SEPTIN9: variants seen among roughly 807,000 people sequenced by gnomAD.
The protein encoded by SEPTIN9 is septin-9.
A neutral mutation model predicts 56.6 loss-of-function variants in SEPTIN9; 13 were observed. The observed-to-expected ratio is 0.23, with a 90% CI of 0.15 to 0.37. SEPTIN9 has a LOEUF of 0.37. Ranked by LOEUF, SEPTIN9 falls within the 10% of genes least tolerant of loss-of-function variation. The pLI is 1.00. For missense variants in SEPTIN9, 650 were observed against 823.1 expected, an observed-to-expected ratio of 0.79 and a Z score of 2.57; for synonymous variants, 332 against 334.1, an observed-to-expected ratio of 0.99 and a Z score of 0.07.
At chr17:77,373,114 G>T (rs936414111) in intron 2 of SEPTIN9, 1 of 867,194 alleles carries the variant, frequency 1.2e-6, no homozygotes, top group Non-Finnish European at 1.4e-6. Context: ...CCCTGGGCGC[G>T]GGCCAGGCGG....
At chr17:77,350,200 C>A (rs2034012877) in intron 2 of SEPTIN9, among the ~76,000 whole-genome samples, 1 of 151,648 alleles carries the variant, frequency 6.6e-6, no homozygotes, top group Admixed American at 6.6e-5. Flanking sequence ...GCATCTTTTG[C>A]AGACAGGGTG....
intron 3 of SEPTIN9, among the ~76,000 whole-genome samples, chr17:77,459,302 G>T (rs902582569): frequency 6.6e-6 from 1 of 152,224 alleles, no homozygotes; most frequent in Non-Finnish European, 1.5e-5. Context: ...GACTCCTGGG[G>T]CCTTGCCCTG....
intron 1 of SEPTIN9, chr17:77,294,812 C>T (rs2031729766): frequency 6.6e-6 from 1 of 152,274 alleles, no homozygotes; most frequent in African/African-American, 2.4e-5. Flanking sequence ...TCTTGCTTCT[C>T]TCCACTGCGC....
chr17:77,344,991 AAAAAAG>A (rs1174899386), intron 2 of SEPTIN9, among the ~76,000 whole-genome samples: 6 of 146,524 alleles, frequency 4.1e-5, no homozygotes, highest in African/African-American at 1.5e-4. Context: ...AAAAAAAAAA[AAAAAAG>A]GAGATTCTGA....
At chr17:77,442,259 A>T (rs1197445786) in intron 3 of SEPTIN9, 1 of 152,100 alleles carries the variant, frequency 6.6e-6, no homozygotes, top group Non-Finnish European at 1.5e-5. Flanking sequence ...GTGCAATGGC[A>T]CGATCTCGGC....
At chr17:77,292,123 G>A (rs548333956) in intron 1 of SEPTIN9, among the ~76,000 whole-genome samples, 23 of 152,244 alleles carry the variant, frequency 1.5e-4, no homozygotes, top group African/African-American at 4.8e-4. Flanking sequence ...CTGTACCCCC[G>A]GAGATGTCTC....
At chr17:77,406,177 C>T (rs1235956098) in intron 3 of SEPTIN9, among the ~76,000 whole-genome samples, 1 of 152,244 alleles carries the variant, frequency 6.6e-6, no homozygotes, top group East Asian at 1.9e-4. Flanking sequence ...CTTCTCTGCT[C>T]ACTCACCATA....
chr17:77,473,192 C>T (rs2039075185), intron 3 of SEPTIN9, among the ~76,000 whole-genome samples: 1 of 152,216 alleles, frequency 6.6e-6, no homozygotes, highest in African/African-American at 2.4e-5. Context: ...TCAGTCTTCT[C>T]CTCTTACCTC....
chr17:77,462,489 G>A (rs1439766765), intron 3 of SEPTIN9, among the ~76,000 whole-genome samples: 2 of 152,058 alleles, frequency 1.3e-5, no homozygotes, highest in Non-Finnish European at 2.9e-5. Context: ...CCACTATGTT[G>A]CCCGGGCTGG....
At chr17:77,304,035 G>A (rs2032166129) in intron 1 of SEPTIN9, among the ~76,000 whole-genome samples, 1 of 152,196 alleles carries the variant, frequency 6.6e-6, no homozygotes, top group Non-Finnish European at 1.5e-5. Context: ...ATCACATAAA[G>A]ATAACTCACT....
intron 2 of SEPTIN9, among the ~76,000 whole-genome samples, chr17:77,336,930 G>A (rs1298672372): frequency 6.6e-6 from 1 of 151,356 alleles, no homozygotes; most frequent in Non-Finnish European, 1.5e-5. Context: ...TGCATCTATG[G>A]AAATGATCAT....
chr17:77,312,431 C>G (rs145511659), intron 2 of SEPTIN9, among the ~76,000 whole-genome samples: 1 of 152,142 alleles, frequency 6.6e-6, no homozygotes, highest in Non-Finnish European at 1.5e-5. Flanking sequence ...GTGCTCGGGC[C>G]CCCCCTGGAT....
At chr17:77,463,906 A>G (rs570018281) in intron 3 of SEPTIN9, among the ~76,000 whole-genome samples, 1 of 152,278 alleles carries the variant, frequency 6.6e-6, no homozygotes, top group Non-Finnish European at 1.5e-5. Flanking sequence ...GAAAATGTCA[A>G]ATCCTAGAGA....
intron 3 of SEPTIN9, among the ~76,000 whole-genome samples, chr17:77,481,403 G>GC (rs750112784): frequency 1.6e-4 from 21 of 127,530 alleles, no homozygotes; most frequent in East Asian, 4.6e-4. Flanking sequence ...TGGTGCAGGG[G>GC]CCCCCCTCCT....
At chr17:77,459,068 C>T (rs1388408384) in intron 3 of SEPTIN9, among the ~76,000 whole-genome samples, 2 of 152,200 alleles carry the variant, frequency 1.3e-5, no homozygotes, top group Non-Finnish European at 2.9e-5. Flanking sequence ...CACGGTCGGC[C>T]CCACACGTGG....
At chr17:77,472,067 T>C (rs917254007) in intron 3 of SEPTIN9, among the ~76,000 whole-genome samples, 24 of 152,144 alleles carry the variant, frequency 1.6e-4, no homozygotes, top group Non-Finnish European at 3.5e-4. Context: ...TGAATGGTGA[T>C]GGTTTGCAGG....
chr17:77,288,524 G>A (rs893491192), intron 1 of SEPTIN9, among the ~76,000 whole-genome samples: 1 of 152,184 alleles, frequency 6.6e-6, no homozygotes, highest in African/African-American at 2.4e-5. Context: ...GCCTTGTTCC[G>A]CAGATCAACC....
intron 7 of SEPTIN9, among the ~76,000 whole-genome samples, chr17:77,490,101 G>A (rs1331084878): frequency 2.0e-5 from 3 of 152,236 alleles, no homozygotes; most frequent in Admixed American, 2.0e-4. Context: ...GCAGGGGCGG[G>A]CCTTGGCCAT....
intron 10 of SEPTIN9, among the ~76,000 whole-genome samples, chr17:77,495,082 G>A (rs574584221): frequency 7.9e-5 from 12 of 152,224 alleles, no homozygotes; most frequent in South Asian, 2.1e-4. Context: ...GGCCTGGGAC[G>A]GGCCGGCGGC....
Sources: gnomAD v4.1 joint callset for allele counts (sites outside exome capture counted in the v4.1 genomes callset) on GRCh38, gnomAD v4.1.1 for gene constraint, MANE v1.5 for transcripts, NCBI Gene and HGNC (gene_info 2026-07-23, HGNC 2026-07-21) for gene names.